Variants in PKIB observed in about 807,000 individuals in gnomAD.
PKIB encodes cAMP-dependent protein kinase inhibitor beta, also known as PKI-beta.
Under a neutral mutation model 4.5 loss-of-function variants are expected in PKIB, and 2 were observed. The observed-to-expected ratio is 0.44, with a 90% CI of 0.18 to 1.39. The LOEUF is 1.39. PKIB is among the 40% of genes most tolerant of loss of function. The pLI is 0.27. For synonymous variants in PKIB, 38 were observed against 36.0 expected (o/e 1.06, Z -0.20); for missense variants, 94 against 92.6 (o/e 1.02, Z -0.06).
Position 122,579,991 on chromosome 6 carries a change from T to G in PKIB, c.-247-5930T>G, listed in dbSNP as rs540271069. ...AGATTATTAAAAATAGGTCTTAAGG[T>G]GCTTTCTATTCAGTAAAATTAATAC... On this transcript the variant is annotated intron_variant, in intron 2 of 6. Coordinates refer to the PKIB transcript ENST00000392491. 5.2e-4 allele frequency among the ~76,000 whole-genome samples: 79 copies of G among 152,276 alleles called. 1 individual carries two copies. The highest frequency in any genetic ancestry group is 9.7e-4 in the Non-Finnish European group (66 of 68,008).
chr6:122,558,049 T>A (rs557867114), intron 2 of PKIB, among the ~76,000 whole-genome samples: 213 of 152,298 alleles, frequency 1.4e-3, no homozygotes, highest in African/African-American at 4.9e-3. Flanking sequence ...TAGGAAGTCC[T>A]ATTTGTTAGG....
At chr6:122,592,255 A>G (rs984610780) in intron 3 of PKIB, among the ~76,000 whole-genome samples, 1 of 152,146 alleles carries the variant, frequency 6.6e-6, no homozygotes, top group Non-Finnish European at 1.5e-5. Flanking sequence ...TGAATTCTAA[A>G]AATTTTTGCA....
At chr6:122,641,300 A>G (rs556682637) in intron 2 of PKIB, among the ~76,000 whole-genome samples, 1 of 152,180 alleles carries the variant, frequency 6.6e-6, no homozygotes, top group Non-Finnish European at 1.5e-5. Context: ...CACTTGGTAA[A>G]TGAAACACTT....
At chr6:122,506,413 C>T (rs957461279) in intron 2 of PKIB, among the ~76,000 whole-genome samples, 6 of 152,032 alleles carry the variant, frequency 3.9e-5, no homozygotes, top group Non-Finnish European at 8.8e-5. Flanking sequence ...TTTGGGCCAT[C>T]ATTAACTTCC....
chr6:122,546,316 C>A (rs551760104), intron 2 of PKIB, among the ~76,000 whole-genome samples: 1 of 151,558 alleles, frequency 6.6e-6, no homozygotes, highest in African/African-American at 2.4e-5. Flanking sequence ...TACCTGGAGC[C>A]GTGCTCATCA....
At chr6:122,629,475 T>G (rs1414469149) in intron 1 of PKIB, among the ~76,000 whole-genome samples, 2 of 152,106 alleles carry the variant, frequency 1.3e-5, no homozygotes, top group Non-Finnish European at 2.9e-5. Flanking sequence ...GCAGAAAAAT[T>G]CCAAATAATT....
chr6:122,614,443 T>G (rs1231876995), intron 1 of PKIB, among the ~76,000 whole-genome samples: 1 of 152,230 alleles, frequency 6.6e-6, no homozygotes, highest in Non-Finnish European at 1.5e-5. Flanking sequence ...CTTCCTGCAG[T>G]CTCTGCTTTC....
chr6:122,707,675 T>C (rs912534601), intron 3 of PKIB, among the ~76,000 whole-genome samples: 8 of 152,152 alleles, frequency 5.3e-5, no homozygotes, highest in Admixed American at 5.2e-4. Context: ...TTCAAAACTG[T>C]CATTAGAAAT....
At chr6:122,543,316 G>A (rs1484407485) in intron 2 of PKIB, among the ~76,000 whole-genome samples, 1 of 151,630 alleles carries the variant, frequency 6.6e-6, no homozygotes, top group East Asian at 1.9e-4. Context: ...ACTGTAGACA[G>A]GAGCTGTTCC....
At chr6:122,508,326 A>G (rs155464) in intron 2 of PKIB, among the ~76,000 whole-genome samples, 98,148 of 152,102 alleles carry the variant, frequency 0.65, 32,121 homozygotes, top group South Asian at 0.83. Context: ...TTGTCAGATT[A>G]TGTTAGGTGT....
chr6:122,500,655 A>G (rs2114557457), intron 2 of PKIB, among the ~76,000 whole-genome samples: 1 of 152,258 alleles, frequency 6.6e-6, no homozygotes, highest in East Asian at 1.9e-4. Context: ...TAGGCATTGC[A>G]TTTTCTTAGA....
chr6:122,544,333 GA>G (rs1353761691), intron 2 of PKIB, among the ~76,000 whole-genome samples: 2 of 151,386 alleles, frequency 1.3e-5, no homozygotes, highest in Non-Finnish European at 1.5e-5. Flanking sequence ...TAAAGAAAGT[GA>G]AAAGTCATAT....
At chr6:122,642,073 C>A (rs9385263) in intron 2 of PKIB, among the ~76,000 whole-genome samples, 38,714 of 152,132 alleles carry the variant, frequency 0.25, 5,451 homozygotes, top group East Asian at 0.39. Flanking sequence ...AGAGACCTCC[C>A]ATTGAACTGT....
chr6:122,486,525 C>G (rs951876166), intron 2 of PKIB, among the ~76,000 whole-genome samples: 12 of 152,006 alleles, frequency 7.9e-5, no homozygotes, highest in Admixed American at 7.9e-4. Context: ...CCAATAGTAT[C>G]TAACTTCCAT....
intron 2 of PKIB, among the ~76,000 whole-genome samples, chr6:122,584,219 AGATCTCAG>A (rs1773786976): frequency 6.6e-6 from 1 of 152,128 alleles, no homozygotes; most frequent in Non-Finnish European, 1.5e-5. Flanking sequence ...AGCATGCACA[AGATCTCAG>A]GATAGTATCT....
intron 1 of PKIB, among the ~76,000 whole-genome samples, chr6:122,627,824 C>G (rs1366139674): frequency 6.6e-6 from 1 of 151,998 alleles, no homozygotes; most frequent in Non-Finnish European, 1.5e-5. Flanking sequence ...AAGAAAACTT[C>G]TTTTTATAAA....
At chr6:122,700,405 C>T (rs1778765059) in intron 3 of PKIB, among the ~76,000 whole-genome samples, 1 of 151,754 alleles carries the variant, frequency 6.6e-6, no homozygotes, top group Non-Finnish European at 1.5e-5. Flanking sequence ...GGGTTTCCCC[C>T]ACAGCAATGG....
At chr6:122,524,896 G>T (rs1582675786) in intron 2 of PKIB, among the ~76,000 whole-genome samples, 1 of 150,162 alleles carries the variant, frequency 6.7e-6, no homozygotes, top group African/African-American at 2.4e-5. Context: ...CCATTTTTTT[G>T]ATCTTTTGTA....
intron 1 of PKIB, among the ~76,000 whole-genome samples, chr6:122,472,890 G>A (rs1377705120): frequency 6.6e-6 from 1 of 152,090 alleles, no homozygotes; most frequent in African/African-American, 2.4e-5. Flanking sequence ...AGGCAGGCGG[G>A]TCACAAGGCC....
Sources: allele counts gnomAD v4.1 joint callset (sites outside exome capture counted in the v4.1 genomes callset), GRCh38; gene constraint gnomAD v4.1.1; transcripts MANE v1.5; gene names NCBI Gene and HGNC (gene_info 2026-07-23, HGNC 2026-07-21).